PCM1: variants seen among roughly 807,000 people sequenced by gnomAD.
PCM1 encodes the protein pericentriolar material 1 protein.
PCM1 carries 157 observed loss-of-function variants against 241.9 expected under a neutral mutation model. The observed-to-expected ratio is 0.65, with a 90% CI of 0.57 to 0.74. The LOEUF is 0.74. Ranked by LOEUF, PCM1 falls within the 30% of genes least tolerant of loss-of-function variation. The pLI is 0.00. For synonymous variants in PCM1, 1,085 were observed against 784.9 expected, an observed-to-expected ratio of 1.38 and a Z score of -6.39; for missense variants, 3,478 against 2,360.1, an observed-to-expected ratio of 1.47 and a Z score of -9.81.
chr8:17,977,303 G>A (rs1241972343), intron 23 of PCM1, among the ~76,000 whole-genome samples: 3 of 151,894 alleles, frequency 2.0e-5, no homozygotes, highest in Admixed American at 2.0e-4. Context: ...CGGTGGCAGA[G>A]GCTAAACTTT....
intron 23 of PCM1, among the ~76,000 whole-genome samples, chr8:17,978,745 G>A (rs2079624195): frequency 1.3e-5 from 2 of 150,302 alleles, no homozygotes; most frequent in Non-Finnish European, 2.9e-5. Flanking sequence ...ACAGAGAACA[G>A]TTTAATAAAG....
chr8:17,925,063 C>T (rs2056383276), intron 2 of PCM1: 2 of 152,154 alleles, frequency 1.3e-5, no homozygotes, highest in African/African-American at 4.8e-5. Context: ...TTTTTTCAAC[C>T]TGTTTGAATT....
chr8:18,027,259 G>C (rs1564488456), intron 38 of PCM1, among the ~76,000 whole-genome samples: 1 of 132,022 alleles, frequency 7.6e-6, no homozygotes. Flanking sequence ...TGTTTGAACT[G>C]CAGCTTCCTC....
intron 20 of PCM1, 50 bp downstream of exon 20, chr8:17,966,523 C>T (rs532875956): frequency 3.9e-6 from 6 of 1,541,090 alleles, no homozygotes; most frequent in Middle Eastern, 1.7e-4. Flanking sequence ...TAACATTGAG[C>T]AGAGGTTTTA....
Position 18,009,703 on chromosome 8 carries a change from A to G in PCM1, c.5119A>G (p.Lys1707Glu). ...AACTGTTAAACAGAGATGCAAAAGG[A>G]AAATAGAAGCAACTGGAGTGATACA... ...SITVKQRCKRKIEATGVIQSC... is the reference protein window; with the variant it reads ...SITVKQRCKREIEATGVIQSC... Residue 1707 changes from lysine to glutamate, a missense_variant, in exon 31 of 39, where the codon AAA becomes GAA. Physicochemically the swap from Lys to Glu is moderately conservative, Grantham distance 56. Transcript: ENST00000325083. 1 of 1,513,688 alleles carries G rather than the reference A, an allele frequency of 6.6e-7. No individual in the cohort carries two copies. The highest frequency in any genetic ancestry group is 8.8e-7 in the Non-Finnish European group (1 of 1,132,862). The allele number at this position is 1,513,688 out of a possible 1,614,324, so 93.8% of individuals were successfully genotyped here. A position where few individuals can be genotyped will look rare whatever the true frequency, so the allele number is the denominator to read the frequency against.
intron 3 of PCM1, among the ~76,000 whole-genome samples, chr8:17,936,371 G>T (rs780384794): frequency 1.3e-5 from 2 of 152,076 alleles, no homozygotes; most frequent in African/African-American, 4.8e-5. Flanking sequence ...ATCCCAAGTG[G>T]TTTACTATAC....
rs369566354 is a variant in PCM1 at position 17,938,789 on chromosome 8, A to T, written c.392A>T (p.Lys131Ile). Residue 131 changes from lysine (K) to isoleucine (I), a missense_variant, in exon 5 of 39, where the codon AAA (lysine) becomes ATA (isoleucine). Physicochemically the swap from Lys to Ile is moderately radical, Grantham distance 102 (BLOSUM62 -3). Coordinates refer to ENST00000325083, the MANE Select transcript of PCM1 (RefSeq NM_006197.4). ...GGTAGAGCAACAGCTGCTAACAACA[A>T]ACGTCAGCTTAGTGAAAACCGAAAG... ...SQGRATAANN[K>I]RQLSENRKPF... The T allele has an allele frequency of 2.8e-5, 45 of 1,612,410 alleles. No homozygotes were observed. The highest frequency in any genetic ancestry group is 3.6e-5 in the Non-Finnish European group (43 of 1,178,388).
chr8:17,989,615 G>T (rs1350063631), intron 26 of PCM1, among the ~76,000 whole-genome samples: 4 of 151,904 alleles, frequency 2.6e-5, no homozygotes, highest in African/African-American at 9.7e-5. Context: ...AGCTGTCTTT[G>T]TGTGTGTTTA....
chr8:17,951,038 C>T (rs760698717), intron 8 of PCM1, among the ~76,000 whole-genome samples: 1 of 152,174 alleles, frequency 6.6e-6, no homozygotes, highest in African/African-American at 2.4e-5. Context: ...CTTTTTTCCT[C>T]TAAAAGACTT....
chr8:17,966,383 G>A lies in PCM1; in HGVS notation c.3131G>A (p.Ser1044Asn). The change falls in exon 20 of 39, where the codon AGC becomes AAC. Residue 1044 changes from serine (S) to asparagine (N), a missense_variant. By Grantham distance (46) the Ser-to-Asn change is conservative. Transcript: ENST00000325083. Reference protein sequence around the residue: ...LLTGPYSVMPSNVASPQVHFI... With the variant: ...LLTGPYSVMPNNVASPQVHFI... ...ACGGGTCCTTACAGTGTTATGCCCA[G>A]CAATGTTGCATCTCCTCAAGTACAC... 6.2e-7 allele frequency: 1 copy of A among 1,613,482 alleles called. No individual in the cohort carries two copies. Among genetic ancestry groups the A allele is most frequent in the South Asian group, 1.1e-5 (1 of 91,072 alleles).
intron 7 of PCM1, among the ~76,000 whole-genome samples, chr8:17,949,476 T>C (rs1047968270): frequency 1.3e-5 from 2 of 151,924 alleles, no homozygotes; most frequent in African/African-American, 4.8e-5. Context: ...AAGCAATTTA[T>C]AACTAATTGT....
chr8:18,014,889 A>C (rs2092972739), intron 36 of PCM1, 49 bp downstream of exon 36: 5 of 1,455,254 alleles, frequency 3.4e-6, no homozygotes, highest in Non-Finnish European at 4.6e-6. Flanking sequence ...ATTTCTGTGC[A>C]TATTTCTTCA....
chr8:17,928,862 C>A (rs1200418663), intron 2 of PCM1, among the ~76,000 whole-genome samples: 4 of 151,952 alleles, frequency 2.6e-5, no homozygotes, highest in Admixed American at 2.6e-4. Flanking sequence ...AAACTCCTGA[C>A]CTTAGATGAC....
intron 29 of PCM1, among the ~76,000 whole-genome samples, chr8:17,997,030 A>G (rs1034800797): frequency 6.6e-6 from 1 of 152,118 alleles, no homozygotes; most frequent in African/African-American, 2.4e-5. Context: ...CTGCTCATTA[A>G]TGTCTTCTTT....
intron 34 of PCM1, among the ~76,000 whole-genome samples, chr8:18,013,036 C>G (rs955571645): frequency 1.3e-4 from 20 of 152,188 alleles, no homozygotes; most frequent in Admixed American, 3.3e-4. Context: ...TTGGGCTTCA[C>G]TGCAGGTAGG....
intron 29 of PCM1, 69 bp from the exon 30 acceptor site, chr8:18,006,194 A>G (rs1427003819): frequency 5.7e-6 from 7 of 1,234,164 alleles, no homozygotes; most frequent in South Asian, 1.6e-5. Flanking sequence ...ATTTTGTATT[A>G]TATGGATTGA....
chr8:17,957,755 G>C lies in PCM1; in HGVS notation c.2020G>C (p.Asp674His), dbSNP rs766231190. Residue 674 changes from aspartate to histidine, a missense_variant, in exon 13 of 39, where the codon GAT (aspartate) becomes CAT (histidine). Transcript: ENST00000325083. ...AAAACAGAAACTTAGACAGTTACAA[G>C]ATCTTGTTGCTATGGTACAGGTAAA... Reference protein sequence around the residue: ...AAKQKLRQLQDLVAMVQDDDA... With the variant: ...AAKQKLRQLQHLVAMVQDDDA... 6.2e-7 allele frequency: 1 copy of C among 1,612,660 alleles called. No homozygotes were observed. The highest frequency in any genetic ancestry group is 8.5e-7 in the Non-Finnish European group (1 of 1,178,962).
At chr8:17,977,857 C>T (rs1246028283) in intron 23 of PCM1, among the ~76,000 whole-genome samples, 1 of 152,068 alleles carries the variant, frequency 6.6e-6, no homozygotes, top group Non-Finnish European at 1.5e-5. Context: ...CTCATCTTGC[C>T]ATTATTAAAG....
chr8:17,977,001 G>A (rs544265150), intron 23 of PCM1, among the ~76,000 whole-genome samples: 229 of 151,604 alleles, frequency 1.5e-3, no homozygotes, highest in African/African-American at 5.1e-3. Context: ...TGAGAATTTC[G>A]TATATGCCAC....
Sources: allele counts gnomAD v4.1 joint callset (sites outside exome capture counted in the v4.1 genomes callset), GRCh38; gene constraint gnomAD v4.1.1; transcripts MANE v1.5; gene names NCBI Gene and HGNC (gene_info 2026-07-23, HGNC 2026-07-21).